Variants in IFIH1 observed in about 807,000 individuals in gnomAD.
The protein encoded by IFIH1 is interferon-induced helicase C domain-containing protein 1.
Under a neutral mutation model 107.4 loss-of-function variants are expected in IFIH1, and 125 were observed. The observed-to-expected ratio is 1.16, with a 90% CI of 1.01 to 1.35. The LOEUF is 1.35. IFIH1 is among the 40% of genes most tolerant of loss of function. IFIH1 has a pLI of 0.00. For missense variants in IFIH1, 1,333 were observed against 1,213.7 expected (o/e 1.10, Z -1.46); for synonymous variants, 458 against 413.2 (o/e 1.11, Z -1.31).
rs1682931873 is a variant in IFIH1 at position 162,288,274 on chromosome 2, G to C, written c.956C>G (p.Ala319Gly). The change falls in exon 5 of 16, where the codon GCC becomes GGC. Residue 319 changes from alanine (A) to glycine (G), a missense_variant. Physicochemically the swap from Ala to Gly is moderately conservative, Grantham distance 60. Coordinates refer to ENST00000649979, the MANE Select transcript of IFIH1 (RefSeq NM_022168.4). ...RPYQMEVAQP[A>G]LEGKNIIICL... ...GATGATGATATTCTTCCCTTCCAAG[G>C]CTGGCTGGGCAACTTCCATTTGGTA... is the stretch of plus-strand genomic sequence containing the variant. 6.2e-7 allele frequency: 1 copy of C among 1,612,704 alleles called. No individual in the cohort carries two copies.
At position 162,276,731 on chromosome 2, in the gene IFIH1, GAT is replaced by G; in HGVS notation, c.2258_2259del (p.His753ProfsTer9). The G allele has an allele frequency of 1.2e-6, 2 of 1,614,018 alleles. No homozygotes were observed. Among genetic ancestry groups the G allele is most frequent in the Non-Finnish European group, 1.7e-6 (2 of 1,179,918 alleles). On this transcript the variant is annotated frameshift_variant, in exon 11 of 16. Coordinates refer to ENST00000649979, the MANE Select transcript of IFIH1 (RefSeq NM_022168.4). LOFTEE classifies it high-confidence loss of function. The stretch of plus-strand genomic sequence containing the variant: ...TCACTGCTGTGTCCAGCTCCAATCA[GAT>G]GGTGGGCTTTGACTCCTACTTCAGC... ...KFAEVGVKAHHLIGAGHSSEF... is the reference protein window; with the variant it reads ...KFAEVGVKAHXLIGAGHSSEF...
At chr2:162,310,398 ATAAAAATGTTC>A (rs1683367420) in intron 2 of IFIH1, 1 of 338,762 alleles carries the variant, frequency 3.0e-6, no homozygotes, top group African/African-American at 2.1e-5. Context: ...CTTAAAATGT[ATAAAAATGTTC>A]AGAAGAATAT....
At chr2:162,313,475 A>G (rs1346953816) in intron 1 of IFIH1, among the ~76,000 whole-genome samples, 2 of 152,240 alleles carry the variant, frequency 1.3e-5, no homozygotes, top group Non-Finnish European at 2.9e-5. Context: ...TTTGGTAATA[A>G]TACAACTCAA....
At chr2:162,286,598 C>A (rs961742187) in intron 5 of IFIH1, among the ~76,000 whole-genome samples, 2 of 150,400 alleles carry the variant, frequency 1.3e-5, no homozygotes, top group Admixed American at 6.7e-5. Flanking sequence ...GTATTACTCA[C>A]AAAGAGACAG....
At chr2:162,299,279 T>C (rs1683150448) in intron 3 of IFIH1, among the ~76,000 whole-genome samples, 1 of 152,160 alleles carries the variant, frequency 6.6e-6, no homozygotes, top group South Asian at 2.1e-4. Context: ...GAAGTAAATC[T>C]TGGCAATAAC....
At chr2:162,270,799 T>A (rs1232583826) in intron 13 of IFIH1, among the ~76,000 whole-genome samples, 1 of 152,140 alleles carries the variant, frequency 6.6e-6, no homozygotes, top group Non-Finnish European at 1.5e-5. Flanking sequence ...GTGACAAAAG[T>A]TTGATTTGAT....
intron 9 of IFIH1, 29 bp from the exon 10 acceptor site, chr2:162,277,722 A>G: frequency 6.3e-7 from 1 of 1,579,184 alleles, no homozygotes; most frequent in Non-Finnish European, 8.6e-7. Flanking sequence ...TGTAAGTGAA[A>G]TAATAAGCAT....
intron 4 of IFIH1, among the ~76,000 whole-genome samples, chr2:162,291,625 C>A (rs1335681918): frequency 2.0e-5 from 3 of 151,712 alleles, no homozygotes; most frequent in Admixed American, 2.0e-4. Flanking sequence ...CACCTTATGG[C>A]CCATATATGA....
At chr2:162,300,115 G>T (rs750368170) in intron 3 of IFIH1, among the ~76,000 whole-genome samples, 10 of 152,066 alleles carry the variant, frequency 6.6e-5, no homozygotes, top group Admixed American at 1.3e-4. Flanking sequence ...CTTTGTGGAG[G>T]CATGTCACTT....
chr2:162,309,007 A>G (rs1576238350), intron 2 of IFIH1, among the ~76,000 whole-genome samples: 1 of 152,172 alleles, frequency 6.6e-6, no homozygotes, highest in African/African-American at 2.4e-5. Flanking sequence ...GTTGAGCTAC[A>G]TGTTTCTTTT....
intron 11 of IFIH1, 58 bp downstream of exon 11, chr2:162,276,629 G>C: frequency 1.3e-6 from 2 of 1,533,608 alleles, no homozygotes; most frequent in Non-Finnish European, 1.8e-6. Flanking sequence ...GAGAAGAAGA[G>C]AAGAGAAGAA....
At chr2:162,315,759 T>A (rs1338513607) in intron 1 of IFIH1, among the ~76,000 whole-genome samples, 1 of 152,232 alleles carries the variant, frequency 6.6e-6, no homozygotes, top group Non-Finnish European at 1.5e-5. Flanking sequence ...CATTTGTCAA[T>A]GACCACCACC....
Position 162,276,942 on chromosome 2 carries a change from G to T in IFIH1, c.2049C>A (p.Asn683Lys), listed in dbSNP as rs753209427. ...DRFLMTLFFE[N>K]NKMLKRLAEN... ...CAGCCAGCCTTTTCAACATTTTATT[G>T]TTTTCTTTAAGAAATAATTAGAGTT... Residue 683 changes from asparagine to lysine, a missense_variant, in exon 11 of 16, where the codon AAC becomes AAA. Transcript: ENST00000649979. The T allele has an allele frequency of 6.3e-7, 1 of 1,594,674 alleles. No individual in the cohort carries two copies. Among genetic ancestry groups the T allele is most frequent in the Non-Finnish European group, 8.5e-7 (1 of 1,172,870 alleles).
At position 162,273,928 on chromosome 2, in the gene IFIH1, A is replaced by AAC. The variant is rs1354834304; in HGVS notation, c.2320_2321insGT (p.Val774GlyfsTer11). 3 of 1,603,184 alleles carry AAC rather than the reference A, an allele frequency of 1.9e-6. No homozygotes were observed. Among genetic ancestry groups the AAC allele is most frequent in the Non-Finnish European group, 2.6e-6 (3 of 1,172,156 alleles). ...TTTTCCAGTGCGAAATTTACTAATGACTTCTTTTTGTTCATTCTGTAGAAA... is the reference window on the plus strand; with the variant it reads ...TTTTCCAGTGCGAAATTTACTAATGAACCTTCTTTTTGTTCATTCTGTAGAAA... On this transcript the variant is annotated frameshift_variant, in exon 12 of 16. Transcript: ENST00000649979. LOFTEE classifies it high-confidence loss of function.
At position 162,282,457 on chromosome 2, in the gene IFIH1, C is replaced by T. The variant is rs1445302623; in HGVS notation, c.1215G>A (p.Lys405=). The T allele has an allele frequency of 6.2e-7, 1 of 1,611,524 alleles. No homozygotes were observed. Residue 405 remains lysine, a synonymous_variant, in exon 6 of 16, where the codon AAG becomes AAA. Transcript: ENST00000649979. ...CTGTACTGATAATAATATCACAGGACTTGACAACTTCTGGAAATGATATTT... is the reference window on the plus strand; with the variant it reads ...CTGTACTGATAATAATATCACAGGATTTGACAACTTCTGGAAATGATATTT... ...QLKISFPEVV[K]SCDIIISTAQ...
chr2:162,313,221 A>T (rs1263481809), intron 1 of IFIH1, among the ~76,000 whole-genome samples: 2 of 152,216 alleles, frequency 1.3e-5, no homozygotes, highest in African/African-American at 4.8e-5. Flanking sequence ...ATATAATTTT[A>T]AAAATTTAAT....
At chr2:162,305,231 T>C (rs1683260693) in intron 3 of IFIH1, among the ~76,000 whole-genome samples, 1 of 152,234 alleles carries the variant, frequency 6.6e-6, no homozygotes, top group African/African-American at 2.4e-5. Flanking sequence ...TGTGTTTCTG[T>C]GTATTACAGA....
chr2:162,285,308 A>G lies in IFIH1; in HGVS notation c.1096-2732T>C, dbSNP rs543114565. Among the ~76,000 whole-genome samples the G allele has an allele frequency of 4.6e-5, 7 of 152,080 alleles. No individual in the cohort carries two copies. In the South Asian group the frequency reaches 1.5e-3, roughly 32 times the overall value. The stretch of plus-strand genomic sequence containing the variant: ...TCATTTCTCTCTGCATTCGAAGGCT[A>G]TAACTTTGGAAAGGACGGAGGAAGG... On this transcript the variant is annotated intron_variant, in intron 5 of 15. Coordinates refer to ENST00000649979, the MANE Select transcript of IFIH1 (RefSeq NM_022168.4).
chr2:162,281,342 C>G lies in IFIH1; in HGVS notation c.1510G>C (p.Glu504Gln). ...TTATGACTTACTTTTAAAATGTGTT[C>G]TTCAGCTTTGGCTTGCTTCGTGGCC... ...GGATKQAKAEEHILKLCANLD... is the reference protein window; with the variant it reads ...GGATKQAKAEQHILKLCANLD... Residue 504 changes from glutamate (E) to glutamine (Q), a missense_variant, in exon 7 of 16, where the codon GAA (glutamate) becomes CAA (glutamine). Glu to Gln is a conservative substitution (Grantham distance 29). Coordinates refer to ENST00000649979, the MANE Select transcript of IFIH1 (RefSeq NM_022168.4). 3.1e-6 allele frequency: 5 copies of G among 1,611,870 alleles called. No homozygotes were observed. Among genetic ancestry groups the G allele is most frequent in the Non-Finnish European group, 4.2e-6 (5 of 1,178,660 alleles).
Sources: gnomAD v4.1 joint callset for allele counts (sites outside exome capture counted in the v4.1 genomes callset) on GRCh38, gnomAD v4.1.1 for gene constraint, MANE v1.5 for transcripts, NCBI Gene and HGNC (gene_info 2026-07-23, HGNC 2026-07-21) for gene names.